NOVA1: variants seen among roughly 807,000 people sequenced by gnomAD.
NOVA1 encodes the protein NOVA alternative splicing regulator 1.
NOVA1 carries 7 observed loss-of-function variants against 38.0 expected under a neutral mutation model. The ratio of observed to expected loss-of-function variants is 0.18; its 90% CI spans 0.10 to 0.35. The LOEUF is 0.35. NOVA1 is among the 10% of genes least tolerant of loss of function. The probability of loss-of-function intolerance (pLI) is 1.00; values close to 1 mark genes in which losing one functional copy is unlikely to be tolerated. For missense variants in NOVA1, 460 were observed against 616.0 expected (o/e 0.75, Z 2.68); for synonymous variants, 270 against 232.5 (o/e 1.16, Z -1.47).
intron 2 of NOVA1, among the ~76,000 whole-genome samples, chr14:26,525,773 A>C (rs1352811742): frequency 1.3e-5 from 2 of 151,986 alleles, no homozygotes; most frequent in Admixed American, 6.6e-5. Context: ...TCACCTCATA[A>C]ATATCTCCTG....
Position 26,548,846 on chromosome 14 carries a change from C to T in NOVA1, c.280+46564G>A, listed in dbSNP as rs941584123. On this transcript the variant is annotated intron_variant, in intron 2 of 4. Coordinates refer to ENST00000539517, the MANE Select transcript of NOVA1 (RefSeq NM_002515.3). The stretch of plus-strand genomic sequence containing the variant: ...ATTGAGCAGAGCACAGTGGCTCACA[C>T]CTATAATCCCAGCACTTCAGGAGAC... 5.9e-5 allele frequency among the ~76,000 whole-genome samples: 9 copies of T among 151,950 alleles called. No homozygotes were observed. In the South Asian group the frequency reaches 1.9e-3, roughly 32 times the overall value.
intron 2 of NOVA1, among the ~76,000 whole-genome samples, chr14:26,535,261 T>C (rs1889985675): frequency 6.6e-6 from 1 of 152,196 alleles, no homozygotes; most frequent in South Asian, 2.1e-4. Context: ...TCAGTTCTTA[T>C]AAGAAATCCT....
chr14:26,582,792 T>C (rs1003758863), intron 2 of NOVA1, among the ~76,000 whole-genome samples: 20 of 151,716 alleles, frequency 1.3e-4, no homozygotes, highest in Non-Finnish European at 2.7e-4. Context: ...AGGTTTTGAG[T>C]AAAGAGTCCA....
intron 4 of NOVA1, among the ~76,000 whole-genome samples, chr14:26,451,431 A>C (rs1414127386): frequency 6.6e-6 from 1 of 152,056 alleles, no homozygotes; most frequent in Non-Finnish European, 1.5e-5. Flanking sequence ...GCAGTGGTGC[A>C]ATCTCGACTC....
intron 2 of NOVA1, among the ~76,000 whole-genome samples, chr14:26,571,796 T>C (rs1406364680): frequency 2.0e-5 from 3 of 152,292 alleles, no homozygotes; most frequent in South Asian, 4.1e-4. Context: ...CAAAACTCAA[T>C]AGAATATTAT....
intron 2 of NOVA1, among the ~76,000 whole-genome samples, chr14:26,552,422 G>T (rs1891218198): frequency 6.6e-6 from 1 of 152,018 alleles, no homozygotes; most frequent in Non-Finnish European, 1.5e-5. Flanking sequence ...ATTCAACTGG[G>T]GTGATGATAA....
chr14:26,537,688 C>T (rs1369770317), intron 2 of NOVA1, among the ~76,000 whole-genome samples: 1 of 152,060 alleles, frequency 6.6e-6, no homozygotes, highest in Non-Finnish European at 1.5e-5. Flanking sequence ...AGATTAGATG[C>T]CTGTCCCCAT....
intron 2 of NOVA1, among the ~76,000 whole-genome samples, chr14:26,518,814 T>A (rs534565577): frequency 6.6e-6 from 1 of 152,080 alleles, no homozygotes; most frequent in Non-Finnish European, 1.5e-5. Context: ...CATGGCTATA[T>A]TTGCATGACT....
chr14:26,476,498 C>T (rs975449274), intron 3 of NOVA1, among the ~76,000 whole-genome samples: 1 of 152,142 alleles, frequency 6.6e-6, no homozygotes, highest in Admixed American at 6.5e-5. Context: ...TGTCCCACTT[C>T]TGCCAATACA....
At chr14:26,532,611 T>C (rs1341510831) in intron 2 of NOVA1, among the ~76,000 whole-genome samples, 2 of 152,192 alleles carry the variant, frequency 1.3e-5, no homozygotes, top group Non-Finnish European at 2.9e-5. Context: ...GATGGAAATA[T>C]ACCATAGCTT....
chr14:26,449,235 A>T lies in NOVA1; in HGVS notation c.520-272T>A, dbSNP rs563017627. Reference sequence around the variant, plus strand: ...TGTGAATTTTGCAACAGAATTTATAAGAAATCAGTATCTTAACAAGAGGGG... The same window carrying T: ...TGTGAATTTTGCAACAGAATTTATATGAAATCAGTATCTTAACAAGAGGGG... On this transcript the variant is annotated intron_variant, in intron 4 of 4. Transcript: ENST00000539517. 3.0e-3 allele frequency among the ~76,000 whole-genome samples: 463 copies of T among 152,274 alleles called. 3 individuals carry two copies. Among genetic ancestry groups the T allele is most frequent in the African/African-American group, 0.011 (450 of 41,562 alleles).
intron 2 of NOVA1, among the ~76,000 whole-genome samples, chr14:26,537,257 A>C (rs2138580842): frequency 6.6e-6 from 1 of 152,114 alleles, no homozygotes; most frequent in Admixed American, 6.5e-5. Flanking sequence ...ACATGGTAAA[A>C]TATTAAGTGA....
intron 2 of NOVA1, among the ~76,000 whole-genome samples, chr14:26,495,389 C>CAT (rs1349655750): frequency 2.6e-5 from 4 of 152,154 alleles, no homozygotes; most frequent in African/African-American, 9.7e-5. Context: ...CTGTTTTGTT[C>CAT]ACATGTGTAT....
At chr14:26,460,446 A>G (rs1470918645) in intron 4 of NOVA1, among the ~76,000 whole-genome samples, 1 of 151,994 alleles carries the variant, frequency 6.6e-6, no homozygotes, top group African/African-American at 2.4e-5. Flanking sequence ...AAAATATACT[A>G]ATTTTTAAAC....
At chr14:26,549,569 G>A (rs1361630394) in intron 2 of NOVA1, 5 of 278,290 alleles carry the variant, frequency 1.8e-5, no homozygotes, top group Non-Finnish European at 3.6e-5. Context: ...GCCAGGGAGA[G>A]CAGCACTAAG....
At chr14:26,458,077 A>C (rs994952952) in intron 4 of NOVA1, among the ~76,000 whole-genome samples, 1 of 152,180 alleles carries the variant, frequency 6.6e-6, no homozygotes, top group Non-Finnish European at 1.5e-5. Context: ...CATATGAAAA[A>C]ATGTTCAACA....
Position 26,457,562 on chromosome 14 carries a change from T to C in NOVA1, c.520-8599A>G, listed in dbSNP as rs372227475. 5.4e-4 allele frequency among the ~76,000 whole-genome samples: 82 copies of C among 152,240 alleles called. No individual in the cohort carries two copies. In the East Asian group the frequency reaches 9.1e-3, roughly 17 times the overall value. On this transcript the variant is annotated intron_variant, in intron 4 of 4. Coordinates refer to ENST00000539517, the MANE Select transcript of NOVA1 (RefSeq NM_002515.3). ...GTGATGCTGGTGTAAACAAACCTAC[T>C]GCTCTGCTAGTTGTACACAAAGTAT...
chr14:26,523,278 G>A lies in NOVA1; in HGVS notation c.281-43135C>T, dbSNP rs149911854. Among the ~76,000 whole-genome samples the A allele has an allele frequency of 3.9e-5, 6 of 152,278 alleles. No individual in the cohort carries two copies. The East Asian group carries it at 9.7e-4, about 24-fold the overall frequency. ...TGCTTTCTCGTGTGTTGGTAATGCTGCAATGAGTGTGTAATCTGGTAATGT... is the reference window on the plus strand; with the variant it reads ...TGCTTTCTCGTGTGTTGGTAATGCTACAATGAGTGTGTAATCTGGTAATGT... On this transcript the variant is annotated intron_variant, in intron 2 of 4. Transcript: ENST00000539517.
At chr14:26,525,231 C>A (rs1889213703) in intron 2 of NOVA1, among the ~76,000 whole-genome samples, 1 of 152,100 alleles carries the variant, frequency 6.6e-6, no homozygotes, top group East Asian at 1.9e-4. Context: ...TACAAGCCAA[C>A]TTATTTTGTG....
Sources: allele counts gnomAD v4.1 joint callset (sites outside exome capture counted in the v4.1 genomes callset), GRCh38; gene constraint gnomAD v4.1.1; transcripts MANE v1.5; gene names NCBI Gene and HGNC (gene_info 2026-07-23, HGNC 2026-07-21).